DCAF8L2: variants seen among roughly 807,000 people sequenced by gnomAD.
DCAF8L2 encodes DDB1- and CUL4-associated factor 8-like protein 2.
For synonymous variants in DCAF8L2, 200 were observed against 190.9 expected (o/e 1.05, Z -0.39); for missense variants, 430 against 490.7 (o/e 0.88, Z 1.17).
chrX:27,690,067 T>C (rs1316480963), intron 3 of DCAF8L2, among the ~76,000 whole-genome samples: 1 of 111,553 alleles, frequency 9.0e-6, no homozygotes, highest in East Asian at 2.8e-4. Flanking sequence ...ACACTGTTTG[T>C]CAGTAGGGGA....
intron 1 of DCAF8L2, among the ~76,000 whole-genome samples, chrX:27,602,782 TA>T (rs1433162044): frequency 1.8e-5 from 2 of 111,901 alleles, no homozygotes; most frequent in Middle Eastern, 4.4e-3. Flanking sequence ...TCTAAAAGAT[TA>T]AAAAATATAA....
chrX:27,748,358 G>A lies in DCAF8L2; in HGVS notation c.1463G>A (p.Gly488Asp). The change falls in exon 5 of 5, where the codon GGT becomes GAT. Residue 488 changes from glycine (G) to aspartate (D), a missense_variant. Transcript: ENST00000451261. ...YGPRSEFVVSGSDCGHIFFWE... is the reference protein window; with the variant it reads ...YGPRSEFVVSDSDCGHIFFWE... The stretch of plus-strand genomic sequence containing the variant: ...CCCAGGAGTGAGTTTGTAGTGAGCG[G>A]TAGTGATTGCGGGCACATCTTCTTC... 8.3e-7 allele frequency: 1 copy of A among 1,206,710 alleles called. No homozygotes were observed. The highest frequency in any genetic ancestry group is 1.1e-6 in the Non-Finnish European group (1 of 892,297).
At chrX:27,507,197 C>T in the DCAF8L2 span, among the ~76,000 whole-genome samples, 7 of 111,657 alleles carry the variant, frequency 6.3e-5, no homozygotes, top group African/African-American at 1.6e-4. Flanking sequence ...AAATATAATT[C>T]GCTAAAATAA....
the DCAF8L2 span, among the ~76,000 whole-genome samples, chrX:27,573,731 G>A: frequency 1.8e-5 from 2 of 111,709 alleles, no homozygotes; most frequent in Admixed American, 9.5e-5. Context: ...CTGCATTTCA[G>A]GAATCAGCAA....
At chrX:27,611,159 C>T (rs1029090737) in intron 1 of DCAF8L2, among the ~76,000 whole-genome samples, 1 of 110,742 alleles carries the variant, frequency 9.0e-6, no homozygotes, top group East Asian at 2.8e-4. Flanking sequence ...ACAACGGAGA[C>T]AATAGTACCG....
the DCAF8L2 span, among the ~76,000 whole-genome samples, chrX:27,541,497 G>A: frequency 9.3e-6 from 1 of 107,913 alleles, no homozygotes; most frequent in Non-Finnish European, 1.9e-5. Flanking sequence ...AGCCTCCTGA[G>A]TAGCTGGGAT....
chrX:27,606,986 AT>A (rs1926936947), intron 1 of DCAF8L2, among the ~76,000 whole-genome samples: 1 of 111,469 alleles, frequency 9.0e-6, no homozygotes, highest in Non-Finnish European at 1.9e-5. Flanking sequence ...CGAACTATAA[AT>A]ATATTAGAAA....
chrX:27,477,359 C>T, the DCAF8L2 span, among the ~76,000 whole-genome samples: 1 of 111,875 alleles, frequency 8.9e-6, no homozygotes, highest in African/African-American at 3.3e-5. Flanking sequence ...GCGATCTCGG[C>T]TCACTGCAAG....
At chrX:27,583,549 C>T in the DCAF8L2 span, among the ~76,000 whole-genome samples, 1 of 111,068 alleles carries the variant, frequency 9.0e-6, no homozygotes, top group Non-Finnish European at 1.9e-5. Flanking sequence ...AATCTGGGGT[C>T]CCTAAGCCCC....
At chrX:27,667,517 G>C (rs1291698235) in intron 2 of DCAF8L2, among the ~76,000 whole-genome samples, 2 of 111,411 alleles carry the variant, frequency 1.8e-5, no homozygotes, top group African/African-American at 6.5e-5. Flanking sequence ...GGCAGAGAAG[G>C]ACACAGTACT....
intron 2 of DCAF8L2, among the ~76,000 whole-genome samples, chrX:27,643,867 T>C (rs764649804): frequency 1.9e-4 from 21 of 111,860 alleles, no homozygotes; most frequent in Middle Eastern, 9.2e-3. Flanking sequence ...CATCTCTACC[T>C]ACTTGGTGAC....
the DCAF8L2 span, among the ~76,000 whole-genome samples, chrX:27,510,468 T>C: frequency 9.6e-6 from 1 of 104,120 alleles, no homozygotes; most frequent in Non-Finnish European, 1.9e-5. Flanking sequence ...AAGGATTTTG[T>C]AATATGCTTA....
At chrX:27,471,702 A>G in the DCAF8L2 span, among the ~76,000 whole-genome samples, 2 of 111,306 alleles carry the variant, frequency 1.8e-5, no homozygotes, top group Non-Finnish European at 3.8e-5. Context: ...CTCAATCTAG[A>G]ATTACCACAT....
At chrX:27,518,772 T>C in the DCAF8L2 span, 1 of 319,471 alleles carries the variant, frequency 3.1e-6, no homozygotes, top group Non-Finnish European at 5.7e-6. Flanking sequence ...AAAATAAATA[T>C]AAGAATAAAA....
At chrX:27,684,168 T>A in intron 3 of DCAF8L2, among the ~76,000 whole-genome samples, 1 of 111,788 alleles carries the variant, frequency 8.9e-6, no homozygotes, top group South Asian at 3.7e-4. Context: ...ATCTCTACCC[T>A]CAAAGAGCTA....
chrX:27,508,609 A>T, the DCAF8L2 span, among the ~76,000 whole-genome samples: 1 of 106,795 alleles, frequency 9.4e-6, no homozygotes, highest in Non-Finnish European at 1.9e-5. Context: ...TGTGTCCTAC[A>T]TCTAGTTACT....
At chrX:27,561,452 G>A in the DCAF8L2 span, among the ~76,000 whole-genome samples, 1 of 111,373 alleles carries the variant, frequency 9.0e-6, no homozygotes, top group African/African-American at 3.3e-5. Flanking sequence ...TAATTCTTAT[G>A]TTATATATAA....
the DCAF8L2 span, among the ~76,000 whole-genome samples, chrX:27,503,056 C>G: frequency 1.8e-5 from 2 of 111,602 alleles, no homozygotes; most frequent in African/African-American, 3.3e-5. Flanking sequence ...TCTAGAAATC[C>G]TCATCTTCTG....
At chrX:27,544,636 C>A in the DCAF8L2 span, among the ~76,000 whole-genome samples, 1 of 111,996 alleles carries the variant, frequency 8.9e-6, no homozygotes, top group African/African-American at 3.2e-5. Context: ...TACTTTTCTG[C>A]ATTTTCTAAA....
Sources: allele counts gnomAD v4.1 joint callset (sites outside exome capture counted in the v4.1 genomes callset), GRCh38; gene constraint gnomAD v4.1.1; transcripts MANE v1.5; gene names NCBI Gene and HGNC (gene_info 2026-07-23, HGNC 2026-07-21).